COA1: variants seen among roughly 807,000 people sequenced by gnomAD.
COA1 encodes cytochrome c oxidase assembly factor 1.
COA1 carries 13 observed loss-of-function variants against 16.0 expected under a neutral mutation model. The observed-to-expected ratio is 0.81, with a 90% CI of 0.53 to 1.29. COA1 has a LOEUF of 1.29. COA1 is among the 50% of genes most tolerant of loss of function. COA1 has a pLI of 0.00. For synonymous variants in COA1, 65 were observed against 65.7 expected (o/e 0.99, Z 0.05); for missense variants, 179 against 177.0 (o/e 1.01, Z -0.06).
chr7:43,722,527 C>T (rs932940610), intron 1 of COA1, among the ~76,000 whole-genome samples: 21 of 152,184 alleles, frequency 1.4e-4, no homozygotes, highest in African/African-American at 4.8e-4. Flanking sequence ...GTACCAGCTG[C>T]GAGTAGCTAG....
At position 43,656,402 on chromosome 7, in the gene COA1, T is replaced by G. The variant is rs202168565; in HGVS notation, c.-38-7750A>C. On this transcript the variant is annotated intron_variant, in intron 1 of 5. Transcript: ENST00000223336. ...GCAGAAATATTCAAAGAGTTGAATT[T>G]AAGACAAAACATAGGCCAGGCATGG... Among the ~76,000 whole-genome samples the G allele has an allele frequency of 9.2e-5, 14 of 152,338 alleles. No individual in the cohort carries two copies. The East Asian group carries it at 2.7e-3, about 29-fold the overall frequency.
At chr7:43,669,616 C>T (rs772863319) in intron 1 of COA1, among the ~76,000 whole-genome samples, 5 of 152,136 alleles carry the variant, frequency 3.3e-5, no homozygotes, top group Non-Finnish European at 5.9e-5. Context: ...CTCCTCTAGC[C>T]TCCTCATATA....
At chr7:43,709,434 T>TTGTGTGTGTGTG (rs59823123) in intron 1 of COA1, among the ~76,000 whole-genome samples, 134 of 144,990 alleles carry the variant, frequency 9.2e-4, no homozygotes, top group African/African-American at 1.8e-3. Flanking sequence ...CTTTGTTTTA[T>TTGTGTGTGTGTG]TGTGTGTGTG....
At chr7:43,644,625 CA>C (rs1172110111) in intron 4 of COA1, among the ~76,000 whole-genome samples, 1 of 151,722 alleles carries the variant, frequency 6.6e-6, no homozygotes, top group Non-Finnish European at 1.5e-5. Context: ...CTCCTGGGTT[CA>C]AGCGATCCTC....
At chr7:43,682,152 C>A (rs1249966858) in intron 1 of COA1, among the ~76,000 whole-genome samples, 1 of 152,140 alleles carries the variant, frequency 6.6e-6, no homozygotes, top group African/African-American at 2.4e-5. Flanking sequence ...AAGGTATGAA[C>A]AACAGGAATA....
At chr7:43,628,108 C>T (rs990705846) in intron 6 of COA1, among the ~76,000 whole-genome samples, 5 of 151,958 alleles carry the variant, frequency 3.3e-5, no homozygotes, top group Non-Finnish European at 2.9e-5. Flanking sequence ...TGCCTCAGCT[C>T]CCCAAGTAGC....
At chr7:43,727,230 GGAGT>G (rs1284791309) in intron 1 of COA1, among the ~76,000 whole-genome samples, 1 of 152,176 alleles carries the variant, frequency 6.6e-6, no homozygotes, top group African/African-American at 2.4e-5. Context: ...GTGTTGGCAA[GGAGT>G]GAGAAATCAA....
At chr7:43,684,574 G>A (rs1172430590) in intron 1 of COA1, among the ~76,000 whole-genome samples, 2 of 152,080 alleles carry the variant, frequency 1.3e-5, no homozygotes, top group Non-Finnish European at 2.9e-5. Context: ...GTGGCTAGTC[G>A]TGAGCCAGTG....
At chr7:43,616,530 A>C (rs750489920) in intron 6 of COA1, among the ~76,000 whole-genome samples, 92 of 152,294 alleles carry the variant, frequency 6.0e-4, no homozygotes, top group Non-Finnish European at 9.8e-4. Flanking sequence ...TCAGACTGAT[A>C]AACCTACGGG....
chr7:43,683,037 T>C (rs2093842270), intron 1 of COA1, among the ~76,000 whole-genome samples: 1 of 152,018 alleles, frequency 6.6e-6, no homozygotes, highest in African/African-American at 2.4e-5. Flanking sequence ...ATGGGGTTTT[T>C]AGTAGAGATG....
In COA1 at chr7:43,704,673, T is replaced by C. The variant is rs2094898715; in HGVS notation, c.-39+24756A>G. On this transcript the variant is annotated intron_variant, in intron 1 of 5. Coordinates refer to ENST00000223336, the MANE Select transcript of COA1 (RefSeq NM_018224.4). Reference sequence around the variant, plus strand: ...TTCATTTCTGGAAGTTCAGTTTGGTTCTTTCTTAAAATGGCTTTGTGGTCT... The same window carrying C: ...TTCATTTCTGGAAGTTCAGTTTGGTCCTTTCTTAAAATGGCTTTGTGGTCT... Among the ~76,000 whole-genome samples, 9 of 152,336 alleles carry C rather than the reference T, an allele frequency of 5.9e-5. No individual in the cohort carries two copies. In the South Asian group the frequency reaches 1.9e-3, roughly 32 times the overall value.
At chr7:43,676,863 C>A (rs1435822289) in intron 1 of COA1, among the ~76,000 whole-genome samples, 4 of 151,088 alleles carry the variant, frequency 2.6e-5, no homozygotes, top group Non-Finnish European at 4.4e-5. Context: ...AAATTTTAAA[C>A]TATATGGTCA....
intron 1 of COA1, among the ~76,000 whole-genome samples, chr7:43,665,157 C>T (rs1195875495): frequency 1.3e-5 from 2 of 152,102 alleles, no homozygotes; most frequent in Non-Finnish European, 2.9e-5. Flanking sequence ...TCCACTATAA[C>T]ACCGTTATTA....
intron 1 of COA1, among the ~76,000 whole-genome samples, chr7:43,680,176 T>C (rs1036776677): frequency 1.3e-5 from 2 of 151,274 alleles, no homozygotes; most frequent in Admixed American, 1.3e-4. Context: ...AGGATATTTA[T>C]ACTATGGAAA....
intron 1 of COA1, among the ~76,000 whole-genome samples, chr7:43,676,188 G>A (rs546441583): frequency 1.1e-4 from 16 of 152,210 alleles, no homozygotes; most frequent in Non-Finnish European, 1.9e-4. Flanking sequence ...TAGGAAAGTT[G>A]CCCCTCCATC....
At chr7:43,703,536 A>G (rs1025647961) in intron 1 of COA1, among the ~76,000 whole-genome samples, 1 of 152,230 alleles carries the variant, frequency 6.6e-6, no homozygotes, top group Admixed American at 6.5e-5. Context: ...ATATATATTT[A>G]GGATCATTAA....
intron 1 of COA1, among the ~76,000 whole-genome samples, chr7:43,684,531 C>T (rs1216754370): frequency 6.6e-6 from 1 of 152,200 alleles, no homozygotes; most frequent in Non-Finnish European, 1.5e-5. Flanking sequence ...TCGTGCATTA[C>T]TTTCACCATA....
chr7:43,623,795 C>T, intron 6 of COA1: 1 of 1,608,162 alleles, frequency 6.2e-7, no homozygotes, highest in Non-Finnish European at 8.5e-7. Context: ...TTAAACATCT[C>T]ACAGATGAAT....
At chr7:43,690,717 T>C (rs745831781) in intron 1 of COA1, among the ~76,000 whole-genome samples, 4 of 152,032 alleles carry the variant, frequency 2.6e-5, no homozygotes, top group Admixed American at 6.6e-5. Context: ...ATGTAAATTG[T>C]CTAAACACTA....
Sources: gnomAD v4.1 joint callset for allele counts (sites outside exome capture counted in the v4.1 genomes callset) on GRCh38, gnomAD v4.1.1 for gene constraint, MANE v1.5 for transcripts, NCBI Gene and HGNC (gene_info 2026-07-23, HGNC 2026-07-21) for gene names.